The following NEDD4 variants were observed in gnomAD, a reference collection of about 807,000 sequenced individuals.
NEDD4 encodes the protein NEDD4 E3 ubiquitin protein ligase, also known as E3 ubiquitin-protein ligase NEDD4.
In NEDD4, 99 loss-of-function variants were observed where a neutral mutation model predicts 144.9. That is an observed-to-expected ratio of 0.68 (90% CI 0.58 to 0.81). The LOEUF (loss-of-function observed/expected upper bound fraction) is 0.81. Ranked by LOEUF, NEDD4 falls within the 30% of genes least tolerant of loss-of-function variation. The probability of loss-of-function intolerance (pLI) is 0.00; values close to 1 mark genes in which losing one functional copy is unlikely to be tolerated. For missense variants in NEDD4, 985 were observed against 1,065.9 expected (o/e 0.92, Z 1.06); for synonymous variants, 318 against 350.6 (o/e 0.91, Z 1.04).
At chr15:55,885,513 C>G (rs2035353852) in intron 5 of NEDD4, among the ~76,000 whole-genome samples, 1 of 151,530 alleles carries the variant, frequency 6.6e-6, no homozygotes, top group South Asian at 2.1e-4. Flanking sequence ...AGACATAGTA[C>G]AAGAAGATAT....
chr15:55,856,340 C>CA, intron 11 of NEDD4, 144 bp from the exon 12 acceptor site: 1 of 691,460 alleles, frequency 1.4e-6, no homozygotes, highest in South Asian at 1.6e-5. Flanking sequence ...CAGGCTGAGT[C>CA]ATGTGGTCGC....
chr15:55,885,779 G>T (rs2035361399), intron 5 of NEDD4, among the ~76,000 whole-genome samples: 1 of 151,926 alleles, frequency 6.6e-6, no homozygotes, highest in Admixed American at 6.6e-5. Context: ...AGGAAGAAAA[G>T]AAGGAAGAAA....
At chr15:55,959,866 A>G (rs535789101) in intron 2 of NEDD4, among the ~76,000 whole-genome samples, 1 of 152,344 alleles carries the variant, frequency 6.6e-6, no homozygotes, top group South Asian at 2.1e-4. Context: ...CTAAGACCAC[A>G]GCCCTACCAA....
At chr15:55,956,839 A>T (rs926645106) in intron 2 of NEDD4, among the ~76,000 whole-genome samples, 1 of 152,160 alleles carries the variant, frequency 6.6e-6, no homozygotes, top group Non-Finnish European at 1.5e-5. Context: ...TTCTCTGAAA[A>T]AACTTGCTGA....
At chr15:55,934,955 G>A (rs1226894917) in intron 4 of NEDD4, among the ~76,000 whole-genome samples, 1 of 125,966 alleles carries the variant, frequency 7.9e-6, no homozygotes, top group Admixed American at 1.1e-4. Context: ...TGCAACCTCT[G>A]CCTCCCAGAC....
chr15:55,842,007 C>A lies in NEDD4; in HGVS notation c.1765G>T (p.Ala589Ser). 4 of 1,614,204 alleles carry A rather than the reference C, an allele frequency of 2.5e-6. No individual in the cohort carries two copies. In the South Asian group the frequency reaches 3.3e-5, roughly 13 times the overall value. Residue 589 changes from alanine (A) to serine (S), a missense_variant, in exon 19 of 29, where the codon GCC becomes TCC. Ala to Ser is a moderately conservative substitution (Grantham distance 99). Transcript: ENST00000435532. Reference protein sequence around the residue: ...GEKGLDYGGVAREWFFLISKE... With the variant: ...GEKGLDYGGVSREWFFLISKE... The stretch of plus-strand genomic sequence containing the variant: ...GAGATCAGGAAGAACCATTCTCTGG[C>A]AACTCCTCCATAATCCAATCCCTTT...
intron 5 of NEDD4, among the ~76,000 whole-genome samples, chr15:55,910,438 T>G (rs2036234593): frequency 1.3e-5 from 2 of 152,130 alleles, no homozygotes; most frequent in South Asian, 4.2e-4. Context: ...GCCTCCATGC[T>G]CTCCATGCCT....
chr15:55,977,128 C>G (rs2037716606), intron 1 of NEDD4, among the ~76,000 whole-genome samples: 1 of 152,162 alleles, frequency 6.6e-6, no homozygotes, highest in Admixed American at 6.5e-5. Context: ...TAAAGACTTA[C>G]AAACATCCCT....
intron 5 of NEDD4, among the ~76,000 whole-genome samples, chr15:55,888,137 C>A (rs1286541057): frequency 5.9e-5 from 9 of 151,344 alleles, no homozygotes; most frequent in Admixed American, 5.3e-4. Flanking sequence ...CTAGCTACAG[C>A]AATCAGGCAA....
intron 5 of NEDD4, among the ~76,000 whole-genome samples, chr15:55,918,403 T>C (rs538858794): frequency 6.6e-6 from 1 of 152,148 alleles, no homozygotes; most frequent in East Asian, 1.9e-4. Context: ...TTTAAACCCC[T>C]CACCTAAATT....
At position 55,857,713 on chromosome 15, in the gene NEDD4, T is replaced by C. The variant is rs181319212; in HGVS notation, c.961-1517A>G. ...AAATATTTTTTAAAATAGGTAACAC[T>C]CATACATGTTATAAAATTCAAAAGG... On this transcript the variant is annotated intron_variant, in intron 11 of 28. Transcript: ENST00000435532. 3.6e-4 allele frequency among the ~76,000 whole-genome samples: 55 copies of C among 152,270 alleles called. 1 individual carries two copies. Among genetic ancestry groups the C allele is most frequent in the Admixed American group, 7.2e-4 (11 of 15,282 alleles).
chr15:55,981,041 CTTT>C (rs752631416), intron 1 of NEDD4, among the ~76,000 whole-genome samples: 3 of 141,984 alleles, frequency 2.1e-5, no homozygotes, highest in Non-Finnish European at 4.6e-5. Flanking sequence ...ATATTTTTTC[CTTT>C]TTTTTTTTTT....
chr15:55,900,536 T>C (rs570321590), intron 5 of NEDD4, among the ~76,000 whole-genome samples: 22 of 152,238 alleles, frequency 1.4e-4, no homozygotes, highest in African/African-American at 5.3e-4. Context: ...TATTTATAAA[T>C]AACATGCCAG....
Position 55,853,334 on chromosome 15 carries a change from G to C in NEDD4, c.1027-791C>G, listed in dbSNP as rs567296886. 7.2e-5 allele frequency among the ~76,000 whole-genome samples: 11 copies of C among 152,248 alleles called. No homozygotes were observed. In the East Asian group the frequency reaches 1.2e-3, roughly 16 times the overall value. Reference sequence around the variant, plus strand: ...AACATACCAACAATAACAAGCACGTGTCCTGTTTAACACAGATAACGTCAT... The same window carrying C: ...AACATACCAACAATAACAAGCACGTCTCCTGTTTAACACAGATAACGTCAT... On this transcript the variant is annotated intron_variant, in intron 12 of 28. Transcript: ENST00000435532.
chr15:55,896,529 A>G (rs2035744862), intron 5 of NEDD4, among the ~76,000 whole-genome samples: 1 of 152,104 alleles, frequency 6.6e-6, no homozygotes, highest in Admixed American at 6.6e-5. Flanking sequence ...TAAATTGCTA[A>G]TTTCCTCCTC....
At chr15:55,899,915 C>A (rs575903442) in intron 5 of NEDD4, among the ~76,000 whole-genome samples, 14 of 152,304 alleles carry the variant, frequency 9.2e-5, no homozygotes, top group Admixed American at 2.6e-4. Context: ...GGCTACTAAA[C>A]TGGACAGTGG....
At position 55,838,574 on chromosome 15, in the gene NEDD4, T is replaced by C. The variant is rs1566899855; in HGVS notation, c.2062A>G (p.Ile688Val). ...DSEYYNSLRW[I>V]LENDPTELDL... is the part of the protein sequence containing the mutation. ...AATTCTGTTGGGTCATTTTCAAGAA[T>C]CCATCTTAGGGAATTGTAATATTCA... The change falls in exon 22 of 29, where the codon ATT (isoleucine) becomes GTT (valine). Residue 688 changes from isoleucine (I) to valine (V), a missense_variant. By Grantham distance (29) the Ile-to-Val change is conservative (BLOSUM62 3). Coordinates refer to ENST00000435532, the MANE Select transcript of NEDD4 (RefSeq NM_006154.4). 20 of 1,612,500 alleles carry C rather than the reference T, an allele frequency of 1.2e-5. No individual in the cohort carries two copies. The highest frequency in any genetic ancestry group is 1.7e-5 in the Non-Finnish European group (20 of 1,179,088).
intron 1 of NEDD4, among the ~76,000 whole-genome samples, chr15:55,991,454 T>C (rs2140460169): frequency 6.6e-6 from 1 of 152,330 alleles, no homozygotes; most frequent in African/African-American, 2.4e-5. Context: ...CTTTTTTCCC[T>C]CTCTATCCCT....
chr15:55,981,196 C>T (rs1348762924), intron 1 of NEDD4, among the ~76,000 whole-genome samples: 1 of 151,914 alleles, frequency 6.6e-6, no homozygotes, highest in African/African-American at 2.4e-5. Context: ...GTGCCCACCA[C>T]CACACACAGC....
Sources: allele counts gnomAD v4.1 joint callset (sites outside exome capture counted in the v4.1 genomes callset), GRCh38; gene constraint gnomAD v4.1.1; transcripts MANE v1.5; gene names NCBI Gene and HGNC (gene_info 2026-07-23, HGNC 2026-07-21).